The following ADARB2 variants were observed in gnomAD, a reference collection of about 807,000 sequenced individuals.
ADARB2 encodes adenosine deaminase RNA specific B2 (inactive).
A neutral mutation model predicts 62.2 loss-of-function variants in ADARB2; 25 were observed. That is an observed-to-expected ratio of 0.40 (90% CI 0.29 to 0.56). The LOEUF (loss-of-function observed/expected upper bound fraction) is 0.56, where lower values mean the gene tolerates loss of function less well. Ranked by LOEUF, ADARB2 falls within the 20% of genes least tolerant of loss-of-function variation. The pLI, the probability that ADARB2 is intolerant of heterozygous loss-of-function variation, is 0.43. For synonymous variants in ADARB2, 572 were observed against 500.8 expected, an observed-to-expected ratio of 1.14 and a Z score of -1.90; for missense variants, 1,071 against 1,077.4, an observed-to-expected ratio of 0.99 and a Z score of 0.08.
chr10:1,619,596 G>A (rs1833684338), intron 1 of ADARB2, among the ~76,000 whole-genome samples: 1 of 151,952 alleles, frequency 6.6e-6, no homozygotes, highest in African/African-American at 2.4e-5. Flanking sequence ...GGATTACAGG[G>A]GTATGCCACC....
intron 3 of ADARB2, among the ~76,000 whole-genome samples, chr10:1,275,806 T>C (rs2131801898): frequency 6.6e-6 from 1 of 152,236 alleles, no homozygotes; most frequent in East Asian, 1.9e-4. Context: ...GGTTTCCAGC[T>C]TCAACCATGT....
intron 2 of ADARB2, among the ~76,000 whole-genome samples, chr10:1,377,333 GTGTGCTCCTGGGGTGTGTGTGTT>G (rs776708798): frequency 4.0e-5 from 6 of 149,114 alleles, no homozygotes; most frequent in African/African-American, 1.2e-4. Flanking sequence ...CATGCCTGGT[GTGTGCTCCTGGGGTGTGTGTGTT>G]TGTGCTCCTG....
chr10:1,287,948 G>T (rs2131808780), intron 3 of ADARB2, among the ~76,000 whole-genome samples: 1 of 152,338 alleles, frequency 6.6e-6, no homozygotes, highest in Admixed American at 6.5e-5. Context: ...CGTCAGACTG[G>T]ATGCCCAAGG....
chr10:1,524,325 G>A (rs779961994), intron 1 of ADARB2, among the ~76,000 whole-genome samples: 4 of 152,152 alleles, frequency 2.6e-5, no homozygotes, highest in African/African-American at 4.8e-5. Context: ...TAATTCAGTC[G>A]CCATTTGTGA....
chr10:1,276,192 C>T (rs1831314599), intron 3 of ADARB2, among the ~76,000 whole-genome samples: 2 of 152,144 alleles, frequency 1.3e-5, no homozygotes, highest in South Asian at 2.1e-4. Flanking sequence ...TTTTAATGAT[C>T]ACCATTCTAA....
At chr10:1,692,713 A>T (rs966873344) in intron 1 of ADARB2, among the ~76,000 whole-genome samples, 1 of 151,964 alleles carries the variant, frequency 6.6e-6, no homozygotes, top group Admixed American at 6.6e-5. Context: ...GGCTACAAAC[A>T]TTTTTTTTAA....
intron 1 of ADARB2, among the ~76,000 whole-genome samples, chr10:1,563,771 C>T: frequency 9.4e-6 from 1 of 106,732 alleles, no homozygotes; most frequent in African/African-American, 3.6e-5. Context: ...CCAGTGCTAT[C>T]CCTCCCCCCT....
intron 1 of ADARB2, among the ~76,000 whole-genome samples, chr10:1,572,001 GTGC>G (rs1428286151): frequency 6.9e-6 from 1 of 145,356 alleles, no homozygotes; most frequent in Non-Finnish European, 1.5e-5. Flanking sequence ...GCAGGTGAGT[GTGC>G]TGCTGAGTGG....
At chr10:1,581,538 C>G (rs1053858480) in intron 1 of ADARB2, among the ~76,000 whole-genome samples, 1 of 152,130 alleles carries the variant, frequency 6.6e-6, no homozygotes, top group Non-Finnish European at 1.5e-5. Flanking sequence ...TGAGCCTGTA[C>G]GTAAACCTGT....
intron 1 of ADARB2, among the ~76,000 whole-genome samples, chr10:1,634,471 G>A (rs939562002): frequency 1.3e-5 from 2 of 152,158 alleles, no homozygotes; most frequent in African/African-American, 4.8e-5. Flanking sequence ...GCGGCCGGCT[G>A]GCCCTGGGCT....
At position 1,337,855 on chromosome 10, in the gene ADARB2, C is replaced by A. The variant is rs539647996; in HGVS notation, c.1077+25173G>T. On this transcript the variant is annotated intron_variant, in intron 3 of 9. Transcript: ENST00000381312. Reference sequence around the variant, plus strand: ...TATAAAAGGGGGTGCCATTAATTCACAAAGAGGAGAAGTCATAGGATTTGC... The same window carrying A: ...TATAAAAGGGGGTGCCATTAATTCAAAAAGAGGAGAAGTCATAGGATTTGC... Among the ~76,000 whole-genome samples, 76 of 152,306 alleles carry A rather than the reference C, an allele frequency of 5.0e-4. 1 individual carries two copies. The highest frequency in any genetic ancestry group is 1.7e-3 in the African/African-American group (69 of 41,556).
At chr10:1,480,501 A>G (rs1831453639) in intron 1 of ADARB2, among the ~76,000 whole-genome samples, 1 of 152,198 alleles carries the variant, frequency 6.6e-6, no homozygotes, top group Admixed American at 6.5e-5. Context: ...GATTGAGACC[A>G]TCCTGGCTAA....
intron 3 of ADARB2, among the ~76,000 whole-genome samples, chr10:1,281,004 A>C (rs1831366276): frequency 6.6e-6 from 1 of 152,218 alleles, no homozygotes; most frequent in South Asian, 2.1e-4. Context: ...AATGTTATTT[A>C]CTCTGAGTCA....
intron 1 of ADARB2, among the ~76,000 whole-genome samples, chr10:1,635,900 G>A (rs1286679489): frequency 6.6e-6 from 1 of 152,116 alleles, no homozygotes; most frequent in Non-Finnish European, 1.5e-5. Flanking sequence ...TCTAGCAACA[G>A]GGCTCTCTGG....
chr10:1,643,346 G>A (rs1376023775), intron 1 of ADARB2, among the ~76,000 whole-genome samples: 1 of 152,198 alleles, frequency 6.6e-6, no homozygotes, highest in Non-Finnish European at 1.5e-5. Context: ...GATGGAAGGT[G>A]AATGACTCAT....
intron 3 of ADARB2, among the ~76,000 whole-genome samples, chr10:1,355,459 C>T (rs192296196): frequency 9.4e-4 from 143 of 152,312 alleles, no homozygotes; most frequent in Admixed American, 2.5e-3. Flanking sequence ...GTAAAACAGA[C>T]CTCAAAAATT....
intron 2 of ADARB2, among the ~76,000 whole-genome samples, chr10:1,366,863 G>T (rs1306296026): frequency 1.3e-5 from 2 of 152,330 alleles, no homozygotes; most frequent in South Asian, 2.1e-4. Flanking sequence ...GTGGGGACAG[G>T]CTCTTCTGCC....
intron 3 of ADARB2, among the ~76,000 whole-genome samples, chr10:1,317,543 G>C (rs965942913): frequency 1.3e-5 from 2 of 152,318 alleles, no homozygotes; most frequent in East Asian, 3.9e-4. Flanking sequence ...ATATAAACAA[G>C]ATCACTTCTG....
At chr10:1,537,780 G>A (rs946369108) in intron 1 of ADARB2, among the ~76,000 whole-genome samples, 2 of 152,152 alleles carry the variant, frequency 1.3e-5, no homozygotes, top group African/African-American at 4.8e-5. Flanking sequence ...CATGGACACA[G>A]GGAGGGGAAC....
Sources: allele counts gnomAD v4.1 joint callset (sites outside exome capture counted in the v4.1 genomes callset), GRCh38; gene constraint gnomAD v4.1.1; transcripts MANE v1.5; gene names NCBI Gene and HGNC (gene_info 2026-07-23, HGNC 2026-07-21).